The following CIMAP1D variants were observed in gnomAD, a reference collection of about 807,000 sequenced individuals.
CIMAP1D encodes the protein protein CIMAP1D.
chr19:467,546 T>C, the CIMAP1D span: 1 of 822,260 alleles, frequency 1.2e-6, no homozygotes, highest in Non-Finnish European at 2.1e-6. Context: ...GACTCTGCAT[T>C]CTAAGAACTC....
chr19:482,020 C>T, the CIMAP1D span, among the ~76,000 whole-genome samples: 1 of 152,048 alleles, frequency 6.6e-6, no homozygotes, highest in Middle Eastern at 3.2e-3. Flanking sequence ...AAGCAATCCC[C>T]CTGCCTTAGT....
the CIMAP1D span, among the ~76,000 whole-genome samples, chr19:487,583 T>C: frequency 6.6e-6 from 1 of 150,918 alleles, no homozygotes; most frequent in African/African-American, 2.5e-5. Context: ...GGCGGGAGGA[T>C]TGCTTGAGCT....
the CIMAP1D span, among the ~76,000 whole-genome samples, chr19:482,482 A>T: frequency 1.3e-5 from 2 of 152,200 alleles, no homozygotes; most frequent in Admixed American, 6.5e-5. Flanking sequence ...TGACTGGAGA[A>T]CTACAACGCT....
chr19:481,211 AGAAGGATGATGGG>A, the CIMAP1D span, among the ~76,000 whole-genome samples: 2,996 of 82,984 alleles, frequency 0.036, 472 homozygotes, highest in African/African-American at 0.16. Context: ...AAGGATGATG[AGAAGGATGATGGG>A]GAAGGATGAT....
chr19:490,586 T>G, the CIMAP1D span, among the ~76,000 whole-genome samples: 5,958 of 152,316 alleles, frequency 0.039, 260 homozygotes, highest in East Asian at 0.22. Context: ...AAAGTTCTAG[T>G]TGGAAAAGTG....
chr19:471,218 G>C, the CIMAP1D span, among the ~76,000 whole-genome samples: 48 of 147,396 alleles, frequency 3.3e-4, no homozygotes, highest in East Asian at 2.0e-4. Flanking sequence ...GCATGATCTC[G>C]GCTCACTGCA....
the CIMAP1D span, among the ~76,000 whole-genome samples, chr19:483,632 G>A: frequency 2.0e-5 from 3 of 152,196 alleles, no homozygotes; most frequent in East Asian, 5.8e-4. Context: ...GTGAGTGGGG[G>A]CAGGGATGCC....
At chr19:486,493 G>C in the CIMAP1D span, among the ~76,000 whole-genome samples, 1 of 151,930 alleles carries the variant, frequency 6.6e-6, no homozygotes, top group African/African-American at 2.4e-5. Flanking sequence ...CAGGCTGGAG[G>C]GTAGTGGCGC....
chr19:489,778 C>A, the CIMAP1D span: 8 of 359,936 alleles, frequency 2.2e-5, no homozygotes, highest in Non-Finnish European at 3.5e-5. Flanking sequence ...ACTGCAGGGA[C>A]GGAGAGCGCG....
the CIMAP1D span, among the ~76,000 whole-genome samples, chr19:468,945 G>A: frequency 2.7e-5 from 4 of 145,768 alleles, no homozygotes; most frequent in Non-Finnish European, 6.1e-5. Flanking sequence ...AGACCTCCCC[G>A]AAACGTCATC....
the CIMAP1D span, among the ~76,000 whole-genome samples, chr19:480,482 G>T: frequency 8.3e-6 from 1 of 119,944 alleles, no homozygotes; most frequent in South Asian, 2.6e-4. Context: ...TGATGGGGAA[G>T]GATGATGGTA....
the CIMAP1D span, chr19:472,765 C>CAGG: frequency 2.0e-6 from 1 of 510,450 alleles, no homozygotes; most frequent in Non-Finnish European, 3.5e-6. Context: ...CCTGAGCCTC[C>CAGG]CAGAGATACA....
chr19:485,938 CCT>C, the CIMAP1D span, among the ~76,000 whole-genome samples: 8 of 152,218 alleles, frequency 5.3e-5, no homozygotes, highest in Non-Finnish European at 7.3e-5. Flanking sequence ...CGGCCAGCCC[CCT>C]GACTCAGACT....
At chr19:466,080 A>G in the CIMAP1D span, among the ~76,000 whole-genome samples, 1 of 123,986 alleles carries the variant, frequency 8.1e-6, no homozygotes, top group Non-Finnish European at 1.7e-5. Flanking sequence ...AAGGGTGGAT[A>G]GATGGTTGGG....
At chr19:479,934 GTTTC>G in the CIMAP1D span, among the ~76,000 whole-genome samples, 1 of 152,082 alleles carries the variant, frequency 6.6e-6, no homozygotes, top group Non-Finnish European at 1.5e-5. Flanking sequence ...AGTTTCCTTT[GTTTC>G]TTGTTATCAT....
the CIMAP1D span, among the ~76,000 whole-genome samples, chr19:477,930 G>A: frequency 3.3e-5 from 5 of 152,088 alleles, no homozygotes; most frequent in Admixed American, 1.3e-4. Flanking sequence ...TCCCTCCCTC[G>A]AGCCCCTAAG....
the CIMAP1D span, among the ~76,000 whole-genome samples, chr19:479,496 C>G: frequency 2.6e-5 from 4 of 151,684 alleles, no homozygotes; most frequent in African/African-American, 9.7e-5. Flanking sequence ...CCTCTGTCTC[C>G]CAGGTTCAAG....
chr19:464,463 G>A, the CIMAP1D span: 110 of 727,238 alleles, frequency 1.5e-4, no homozygotes, highest in South Asian at 1.5e-3. Flanking sequence ...AGCTTACAAC[G>A]CTTCTCAAGC....
the CIMAP1D span, among the ~76,000 whole-genome samples, chr19:486,868 T>C: frequency 1.3e-5 from 2 of 151,978 alleles, no homozygotes; most frequent in African/African-American, 2.4e-5. Flanking sequence ...GAGCCGAGAT[T>C]GTGCCAGTGC....
Sources: allele counts gnomAD v4.1 joint callset (sites outside exome capture counted in the v4.1 genomes callset), GRCh38; gene constraint gnomAD v4.1.1; transcripts MANE v1.5; gene names NCBI Gene and HGNC (gene_info 2026-07-23, HGNC 2026-07-21).